The following TET3 variants were observed in gnomAD, a reference collection of about 807,000 sequenced individuals.
TET3 encodes tet methylcytosine dioxygenase 3.
Under a neutral mutation model 141.4 loss-of-function variants are expected in TET3, and 19 were observed. The observed-to-expected ratio is 0.13, with a 90% CI of 0.09 to 0.20. TET3 has a LOEUF of 0.20. Ranked by LOEUF, TET3 falls within the 10% of genes least tolerant of loss-of-function variation. TET3 has a pLI of 1.00. For synonymous variants in TET3, 1,043 were observed against 980.9 expected (o/e 1.06, Z -1.18); for missense variants, 1,874 against 2,356.9 (o/e 0.80, Z 4.24).
chr2:73,987,447 G>A (rs531068147), intron 2 of TET3, among the ~76,000 whole-genome samples: 1 of 152,266 alleles, frequency 6.6e-6, no homozygotes, highest in Admixed American at 6.5e-5. Context: ...AGGCAGGGTG[G>A]GAAGGAATGG....
chr2:74,008,482 A>G (rs1250033683), intron 3 of TET3, among the ~76,000 whole-genome samples: 1 of 152,236 alleles, frequency 6.6e-6, no homozygotes, highest in Non-Finnish European at 1.5e-5. Flanking sequence ...CTCCATTGCC[A>G]CAGGCAGGGC....
At chr2:74,117,064 CTGAT>C in the TET3 span, among the ~76,000 whole-genome samples, 4 of 152,080 alleles carry the variant, frequency 2.6e-5, no homozygotes, top group Non-Finnish European at 5.9e-5. Context: ...AGTGGGAACT[CTGAT>C]TGGGAGCAGA....
intron 4 of TET3, among the ~76,000 whole-genome samples, 153 bp from the exon 5 acceptor site, chr2:74,073,396 T>C (rs543086906): frequency 6.6e-6 from 1 of 152,380 alleles, no homozygotes; most frequent in Admixed American, 6.5e-5. Flanking sequence ...TCCTGATTTC[T>C]AATGGAGTTG....
At chr2:74,133,341 A>G in the TET3 span, among the ~76,000 whole-genome samples, 1 of 152,264 alleles carries the variant, frequency 6.6e-6, no homozygotes, top group Non-Finnish European at 1.5e-5. Flanking sequence ...TTAAAACAAC[A>G]AACACATATA....
At position 74,079,926 on chromosome 2, in the gene TET3, C is replaced by T. The variant is rs138193318; in HGVS notation, c.2586-572C>T. ...CTGAAGCCCTGAGTGTGTGGGGGAG[C>T]CAGGGCAGGTGACGTGTGCAGGAAC... On this transcript the variant is annotated intron_variant, in intron 5 of 11. Coordinates refer to ENST00000409262, the MANE Select transcript of TET3 (RefSeq NM_001287491.2). Among the ~76,000 whole-genome samples, 8 of 152,194 alleles carry T rather than the reference C, an allele frequency of 5.3e-5. No homozygotes were observed. In the East Asian group the frequency reaches 1.5e-3, roughly 29 times the overall value.
chr2:74,133,281 A>G, the TET3 span, among the ~76,000 whole-genome samples: 1 of 152,204 alleles, frequency 6.6e-6, no homozygotes, highest in African/African-American at 2.4e-5. Context: ...GTAATGAACA[A>G]ACATATTAAT....
chr2:74,083,205 A>G (rs1689931532), intron 6 of TET3, among the ~76,000 whole-genome samples: 1 of 152,210 alleles, frequency 6.6e-6, no homozygotes, highest in Non-Finnish European at 1.5e-5. Context: ...GGTGGCCTGT[A>G]CAAAATACGG....
chr2:74,030,873 G>A (rs1363900747), intron 3 of TET3, among the ~76,000 whole-genome samples: 1 of 152,162 alleles, frequency 6.6e-6, no homozygotes, highest in Admixed American at 6.5e-5. Flanking sequence ...CAGGACTAGG[G>A]TTTGCTTGCA....
chr2:74,116,375 G>C, the TET3 span, among the ~76,000 whole-genome samples: 2 of 152,058 alleles, frequency 1.3e-5, no homozygotes, highest in Non-Finnish European at 1.5e-5. Flanking sequence ...CCCAGGAAAG[G>C]AAATCATTAT....
At chr2:74,098,467 G>A (rs1210779474) in intron 10 of TET3, among the ~76,000 whole-genome samples, 1 of 152,086 alleles carries the variant, frequency 6.6e-6, no homozygotes, top group African/African-American at 2.4e-5. Context: ...ACTTGTGTAT[G>A]TACACAATTA....
chr2:74,053,230 A>G (rs534163665), intron 4 of TET3, among the ~76,000 whole-genome samples: 1 of 149,784 alleles, frequency 6.7e-6, no homozygotes. Flanking sequence ...ATTTAAAAAT[A>G]CTCATTGGAG....
intron 4 of TET3, among the ~76,000 whole-genome samples, chr2:74,051,138 AG>A (rs1687920607): frequency 6.6e-6 from 1 of 152,226 alleles, no homozygotes. Context: ...TTGGGGCAGA[AG>A]GAGCAAGCTT....
chr2:74,030,261 AC>A (rs1225908044), intron 3 of TET3, among the ~76,000 whole-genome samples: 1 of 152,268 alleles, frequency 6.6e-6, no homozygotes. Flanking sequence ...TTTTAAAAAA[AC>A]TACCTAGTTT....
intron 5 of TET3, 92 bp from the exon 6 acceptor site, chr2:74,080,406 A>G: frequency 8.7e-7 from 1 of 1,148,928 alleles, no homozygotes; most frequent in Non-Finnish European, 1.3e-6. Context: ...CCAGAAACTC[A>G]AACAAAAGCA....
intron 4 of TET3, among the ~76,000 whole-genome samples, chr2:74,052,667 C>T (rs1558750634): frequency 6.6e-6 from 1 of 151,456 alleles, no homozygotes; most frequent in Non-Finnish European, 1.5e-5. Flanking sequence ...GTCAGGAATT[C>T]GAGACCACCC....
intron 8 of TET3, 94 bp downstream of exon 8, chr2:74,090,141 C>G: frequency 6.6e-7 from 1 of 1,519,282 alleles, no homozygotes; most frequent in South Asian, 1.2e-5. Flanking sequence ...CGCCATGACT[C>G]AGATGCACAG....
chr2:73,994,778 C>T (rs1267019224), intron 2 of TET3, among the ~76,000 whole-genome samples: 2 of 151,302 alleles, frequency 1.3e-5, no homozygotes, highest in African/African-American at 4.9e-5. Context: ...GCTGAGATTA[C>T]AGGCACGTGT....
intron 4 of TET3, 45 bp from the exon 5 acceptor site, chr2:74,073,504 G>A: frequency 5.6e-6 from 8 of 1,438,750 alleles, no homozygotes; most frequent in Non-Finnish European, 7.6e-6. Context: ...AATTAATATT[G>A]ACTAATTGAT....
intron 3 of TET3, among the ~76,000 whole-genome samples, chr2:74,008,486 G>T (rs1685259857): frequency 2.0e-5 from 3 of 152,198 alleles, no homozygotes; most frequent in Admixed American, 2.0e-4. Context: ...ATTGCCACAG[G>T]CAGGGCACCT....
Sources: allele counts gnomAD v4.1 joint callset (sites outside exome capture counted in the v4.1 genomes callset), GRCh38; gene constraint gnomAD v4.1.1; transcripts MANE v1.5; gene names NCBI Gene and HGNC (gene_info 2026-07-23, HGNC 2026-07-21).